BCAS4: variants seen among roughly 807,000 people sequenced by gnomAD.
The protein encoded by BCAS4 is breast carcinoma-amplified sequence 4.
BCAS4 carries 9 observed loss-of-function variants against 15.7 expected under a neutral mutation model. That is an observed-to-expected ratio of 0.57 (90% CI 0.34 to 1.00). The LOEUF (loss-of-function observed/expected upper bound fraction) is 1.00, where lower values mean the gene tolerates loss of function less well. Ranked by LOEUF, BCAS4 falls within the 50% of genes least tolerant of loss-of-function variation. The pLI is 0.02. For missense variants in BCAS4, 225 were observed against 239.1 expected, an observed-to-expected ratio of 0.94 and a Z score of 0.39; for synonymous variants, 101 against 99.5, an observed-to-expected ratio of 1.02 and a Z score of -0.09.
At chr20:50,866,416 C>G (rs749638453) in intron 4 of BCAS4, among the ~76,000 whole-genome samples, 12 of 152,250 alleles carry the variant, frequency 7.9e-5, no homozygotes, top group Non-Finnish European at 1.5e-4. Context: ...ACAAACCAGA[C>G]AGCGCATGTC....
At chr20:50,816,080 C>T (rs1000191126) in intron 1 of BCAS4, among the ~76,000 whole-genome samples, 1 of 152,214 alleles carries the variant, frequency 6.6e-6, no homozygotes, top group African/African-American at 2.4e-5. Context: ...GGCTGGAGTA[C>T]AGTGGCACAA....
intron 1 of BCAS4, 101 bp downstream of exon 1, chr20:50,795,274 T>G: frequency 1.3e-5 from 14 of 1,108,272 alleles, no homozygotes; most frequent in Non-Finnish European, 1.6e-5. Context: ...GCTCCCGGAG[T>G]GGGGGGCCCG....
chr20:50,828,210 C>T (rs905125409), intron 2 of BCAS4, among the ~76,000 whole-genome samples: 2 of 151,798 alleles, frequency 1.3e-5, no homozygotes, highest in African/African-American at 4.8e-5. Flanking sequence ...GCGTGAAAAA[C>T]GAGTATCCCT....
At chr20:50,825,919 G>T (rs897627123) in intron 2 of BCAS4, among the ~76,000 whole-genome samples, 6 of 151,854 alleles carry the variant, frequency 4.0e-5, no homozygotes, top group Non-Finnish European at 7.4e-5. Flanking sequence ...CAAAAATAAG[G>T]GGGAAAAAAA....
At chr20:50,855,497 C>T (rs542993151) in intron 4 of BCAS4, among the ~76,000 whole-genome samples, 1 of 152,216 alleles carries the variant, frequency 6.6e-6, no homozygotes, top group African/African-American at 2.4e-5. Flanking sequence ...ACAATCCTCG[C>T]ATCCCCCTTC....
chr20:50,828,968 C>G (rs970337847), intron 2 of BCAS4, among the ~76,000 whole-genome samples: 1 of 152,150 alleles, frequency 6.6e-6, no homozygotes, highest in Non-Finnish European at 1.5e-5. Context: ...CGTCTTGCAC[C>G]ACTGTCCCAG....
intron 2 of BCAS4, among the ~76,000 whole-genome samples, chr20:50,819,820 G>A (rs1045769005): frequency 2.1e-5 from 3 of 143,786 alleles, no homozygotes; most frequent in East Asian, 2.0e-4. Flanking sequence ...CTGTCTTTCC[G>A]TCTTTCCCTC....
At chr20:50,845,894 C>T (rs1386496230) in intron 4 of BCAS4, among the ~76,000 whole-genome samples, 3 of 152,234 alleles carry the variant, frequency 2.0e-5, no homozygotes, top group East Asian at 1.9e-4. Context: ...GCAGGCTGCC[C>T]GCTGCCCAGG....
chr20:50,816,324 C>T (rs1360083375), intron 1 of BCAS4, among the ~76,000 whole-genome samples: 1 of 152,216 alleles, frequency 6.6e-6, no homozygotes, highest in African/African-American at 2.4e-5. Flanking sequence ...CTACGCCTGG[C>T]CAAACCGCTA....
At chr20:50,847,829 G>C (rs1313182028) in intron 4 of BCAS4, among the ~76,000 whole-genome samples, 1 of 152,130 alleles carries the variant, frequency 6.6e-6, no homozygotes, top group Non-Finnish European at 1.5e-5. Context: ...GGTCACTTGA[G>C]CCCAGGAGTT....
chr20:50,806,959 C>T (rs1402795619), intron 1 of BCAS4, among the ~76,000 whole-genome samples: 1 of 149,812 alleles, frequency 6.7e-6, no homozygotes, highest in Non-Finnish European at 1.5e-5. Context: ...GCAACCTCCA[C>T]CTCCTGGGTT....
chr20:50,880,762 A>G (rs1439488176), downstream of BCAS4: 1 of 152,178 alleles, frequency 6.6e-6, no homozygotes, highest in East Asian at 1.9e-4. Context: ...CCAAAGCAAG[A>G]GGTTTCAAGG....
intron 2 of BCAS4, among the ~76,000 whole-genome samples, chr20:50,822,548 G>T (rs2088228771): frequency 6.6e-6 from 1 of 151,772 alleles, no homozygotes; most frequent in South Asian, 2.1e-4. Flanking sequence ...TGGCAAGGAT[G>T]TAGAGCAACG....
chr20:50,831,444 G>A lies in BCAS4; in HGVS notation c.264+1064G>A, dbSNP rs547166594. Among the ~76,000 whole-genome samples the A allele has an allele frequency of 2.0e-5, 3 of 152,200 alleles. No individual in the cohort carries two copies. The South Asian group carries it at 6.2e-4, about 32-fold the overall frequency. On this transcript the variant is annotated intron_variant, in intron 3 of 4. Coordinates refer to ENST00000371608, the MANE Select transcript of BCAS4 (RefSeq NM_198799.4). ...GAAAAAAAAATGGGTGGAGCTGGTG[G>A]CTGCTGCTCCTCAGAAGGGCGTGGG...
chr20:50,831,121 G>T (rs1207854572), intron 3 of BCAS4, among the ~76,000 whole-genome samples: 1 of 151,950 alleles, frequency 6.6e-6, no homozygotes, highest in African/African-American at 2.4e-5. Context: ...TTGCATTCTT[G>T]CAGTGTTCTT....
intron 1 of BCAS4, among the ~76,000 whole-genome samples, chr20:50,808,057 G>A (rs190241009): frequency 0.031 from 4,735 of 151,928 alleles, 106 homozygotes; most frequent in Non-Finnish European, 0.05. Context: ...ACAGGCGCCC[G>A]CCACCATGCC....
rs546499636 is a variant in BCAS4 at position 50,852,303 on chromosome 20, G to A, written c.399+10403G>A. ...TGGGGCTGTGACTGGCAGGGGAGGC[G>A]GGGCCCTCAGCTGCAGCCTGGAACA... On this transcript the variant is annotated intron_variant, in intron 4 of 4. Transcript: ENST00000371608. Among the ~76,000 whole-genome samples, 179 of 152,308 alleles carry A rather than the reference G, an allele frequency of 1.2e-3. 1 individual carries two copies. Among genetic ancestry groups the A allele is most frequent in the Non-Finnish European group, 5.3e-4 (36 of 68,026 alleles).
chr20:50,811,002 A>G (rs1294538690), intron 1 of BCAS4, among the ~76,000 whole-genome samples: 2 of 152,126 alleles, frequency 1.3e-5, no homozygotes, highest in Non-Finnish European at 2.9e-5. Flanking sequence ...CACCTGGAAG[A>G]AATATTTGAG....
In BCAS4 at chr20:50,846,902, C is replaced by T. The variant is rs369038672; in HGVS notation, c.399+5002C>T. Among the ~76,000 whole-genome samples, 69 of 152,056 alleles carry T rather than the reference C, an allele frequency of 4.5e-4. No homozygotes were observed. The East Asian group carries it at 0.012, about 27-fold the overall frequency. The stretch of plus-strand genomic sequence containing the variant: ...GTGCTGGGATTACAGGCGTGACCCA[C>T]GACGCCCAGCTTAAAATAATATCTT... On this transcript the variant is annotated intron_variant, in intron 4 of 4. Transcript: ENST00000371608.
Sources: allele counts gnomAD v4.1 joint callset (sites outside exome capture counted in the v4.1 genomes callset), GRCh38; gene constraint gnomAD v4.1.1; transcripts MANE v1.5; gene names NCBI Gene and HGNC (gene_info 2026-07-23, HGNC 2026-07-21).